Variants in AFG2A observed in about 807,000 individuals in gnomAD.
AFG2A encodes ATPase family gene 2 protein homolog A.
At chr4:123,175,395 G>A in the AFG2A span, among the ~76,000 whole-genome samples, 1 of 152,182 alleles carries the variant, frequency 6.6e-6, no homozygotes, top group Non-Finnish European at 1.5e-5. Context: ...AAAGAGAGAT[G>A]TTCAACCTTA....
chr4:123,153,741 G>A, the AFG2A span, among the ~76,000 whole-genome samples: 1 of 151,940 alleles, frequency 6.6e-6, no homozygotes, highest in Non-Finnish European at 1.5e-5. Flanking sequence ...AACCACAGTA[G>A]GGCATATCCT....
the AFG2A span, among the ~76,000 whole-genome samples, chr4:122,970,210 A>G: frequency 6.6e-6 from 1 of 152,134 alleles, no homozygotes; most frequent in Non-Finnish European, 1.5e-5. Flanking sequence ...AATCTTTTAT[A>G]CTATATTTTT....
chr4:123,281,693 T>G, the AFG2A span, among the ~76,000 whole-genome samples: 1 of 152,008 alleles, frequency 6.6e-6, no homozygotes, highest in Non-Finnish European at 1.5e-5. Context: ...CACCAAGATG[T>G]CCTTCAACAG....
At chr4:122,965,952 A>G in the AFG2A span, among the ~76,000 whole-genome samples, 1 of 152,170 alleles carries the variant, frequency 6.6e-6, no homozygotes, top group Non-Finnish European at 1.5e-5. Context: ...TCATTTAATA[A>G]ATGAGGTAAC....
chr4:123,263,506 C>A, the AFG2A span, among the ~76,000 whole-genome samples: 1 of 152,256 alleles, frequency 6.6e-6, no homozygotes, highest in East Asian at 1.9e-4. Flanking sequence ...AAACTACTTT[C>A]TGTAACTTTA....
chr4:123,062,766 T>C, the AFG2A span, among the ~76,000 whole-genome samples: 1 of 152,258 alleles, frequency 6.6e-6, no homozygotes, highest in Admixed American at 6.5e-5. Flanking sequence ...TGTGATCTTA[T>C]GGTACCAGCT....
the AFG2A span, among the ~76,000 whole-genome samples, chr4:123,110,464 T>A: frequency 3.3e-5 from 5 of 152,266 alleles, no homozygotes; most frequent in African/African-American, 9.6e-5. Flanking sequence ...AAAAATGTAA[T>A]CCAAGCAAAA....
At chr4:123,014,248 G>A in the AFG2A span, among the ~76,000 whole-genome samples, 1 of 152,158 alleles carries the variant, frequency 6.6e-6, no homozygotes, top group Non-Finnish European at 1.5e-5. Flanking sequence ...ATTTGCTGGT[G>A]ATTATAGGGA....
At chr4:123,313,180 T>TCCTACTG in the AFG2A span, among the ~76,000 whole-genome samples, 1 of 152,174 alleles carries the variant, frequency 6.6e-6, no homozygotes, top group Non-Finnish European at 1.5e-5. Flanking sequence ...CCTTCCGTTT[T>TCCTACTG]CCTACTGCCT....
chr4:123,307,653 T>C, the AFG2A span, among the ~76,000 whole-genome samples: 1 of 152,244 alleles, frequency 6.6e-6, no homozygotes, highest in Non-Finnish European at 1.5e-5. Flanking sequence ...TTTCTTTTTT[T>C]AGCAAAGATT....
the AFG2A span, chr4:123,056,417 G>C: frequency 6.2e-7 from 1 of 1,612,670 alleles, no homozygotes; most frequent in Non-Finnish European, 8.5e-7. Flanking sequence ...ATATGTTGGT[G>C]AATCTGAAAG....
chr4:123,048,560 C>T, the AFG2A span, among the ~76,000 whole-genome samples: 1 of 151,928 alleles, frequency 6.6e-6, no homozygotes, highest in Non-Finnish European at 1.5e-5. Context: ...TATAGTTTTC[C>T]TTGTAGAGAT....
the AFG2A span, among the ~76,000 whole-genome samples, chr4:123,255,269 C>G: frequency 2.6e-5 from 4 of 151,894 alleles, no homozygotes; most frequent in African/African-American, 9.6e-5. Flanking sequence ...GCCTGTAATC[C>G]CAGCACTCTG....
chr4:123,218,886 G>C, the AFG2A span, among the ~76,000 whole-genome samples: 1 of 152,168 alleles, frequency 6.6e-6, no homozygotes, highest in East Asian at 1.9e-4. Flanking sequence ...ACTATGGCCA[G>C]ACCTATACCC....
chr4:123,018,590 A>G, the AFG2A span, among the ~76,000 whole-genome samples: 1 of 151,976 alleles, frequency 6.6e-6, no homozygotes, highest in Non-Finnish European at 1.5e-5. Flanking sequence ...CTACAGACTA[A>G]CTTTTCCCAT....
At chr4:123,255,141 T>G in the AFG2A span, among the ~76,000 whole-genome samples, 1 of 152,116 alleles carries the variant, frequency 6.6e-6, no homozygotes, top group Non-Finnish European at 1.5e-5. Flanking sequence ...TTTTTGTATT[T>G]TTTTGTAGAG....
At chr4:122,947,208 A>G in the AFG2A span, 1 of 1,502,870 alleles carries the variant, frequency 6.7e-7, no homozygotes, top group South Asian at 1.3e-5. Context: ...AGAAAAATAA[A>G]TTTATTTTCA....
the AFG2A span, among the ~76,000 whole-genome samples, chr4:123,297,779 A>T: frequency 6.6e-6 from 1 of 152,214 alleles, no homozygotes; most frequent in East Asian, 1.9e-4. Flanking sequence ...CCATTGCAGC[A>T]CGCTGAACAC....
chr4:123,131,630 A>G, the AFG2A span, among the ~76,000 whole-genome samples: 1 of 152,160 alleles, frequency 6.6e-6, no homozygotes, highest in African/African-American at 2.4e-5. Flanking sequence ...TAACGTCCTC[A>G]AGATTATTTT....
Sources: allele counts gnomAD v4.1 joint callset (sites outside exome capture counted in the v4.1 genomes callset), GRCh38; gene constraint gnomAD v4.1.1; transcripts MANE v1.5; gene names NCBI Gene and HGNC (gene_info 2026-07-23, HGNC 2026-07-21).